Variants in EML6 observed in about 807,000 individuals in gnomAD.
EML6 encodes the protein EMAP like 6.
Under a neutral mutation model 240.1 loss-of-function variants are expected in EML6, and 154 were observed. That is an observed-to-expected ratio of 0.64 (90% confidence interval 0.56 to 0.73). EML6 has a LOEUF of 0.73. Among genes scored for constraint, EML6 ranks in the 30% least tolerant of loss-of-function variants. The pLI is 0.00. For synonymous variants in EML6, 1,148 were observed against 899.0 expected, an observed-to-expected ratio of 1.28 and a Z score of -4.95; for missense variants, 2,964 against 2,474.6, an observed-to-expected ratio of 1.20 and a Z score of -4.20.
Position 54,892,530 on chromosome 2 carries a change from A to G in EML6, c.2616A>G (p.Gly872=), listed in dbSNP as rs1378773476. 3.2e-6 allele frequency: 5 copies of G among 1,551,458 alleles called. No homozygotes were observed. The highest frequency in any genetic ancestry group is 4.4e-6 in the Non-Finnish European group (5 of 1,146,780). The part of the protein sequence containing the change: ...KLETMMCVSY[G]RMEDLVFSGA... ...AAACAATGATGTGTGTTTCTTACGG[A>G]CGAATGGAAGATCTAGTGTTCTCAG... Residue 872 remains glycine, a synonymous_variant, in exon 19 of 42, where the codon GGA becomes GGG. Transcript: ENST00000356458.
intron 2 of EML6, among the ~76,000 whole-genome samples, chr2:54,777,109 C>G (rs552394051): frequency 1.3e-5 from 2 of 152,306 alleles, no homozygotes; most frequent in Non-Finnish European, 2.9e-5. Context: ...CCCTGTGAGG[C>G]CTGGAGTCCC....
At chr2:54,751,157 A>G (rs926661939) in intron 2 of EML6, among the ~76,000 whole-genome samples, 9 of 152,202 alleles carry the variant, frequency 5.9e-5, no homozygotes, top group Non-Finnish European at 1.2e-4. Context: ...TAGGTTGAGA[A>G]TCAGATCCAT....
intron 19 of EML6, 22 bp from the exon 20 acceptor site, chr2:54,894,893 C>G: frequency 1.3e-6 from 2 of 1,505,640 alleles, no homozygotes; most frequent in Non-Finnish European, 1.8e-6. Context: ...GTATATAATA[C>G]CTCTCATGTG....
intron 2 of EML6, among the ~76,000 whole-genome samples, chr2:54,772,000 C>T (rs1030693950): frequency 6.6e-6 from 1 of 152,186 alleles, no homozygotes. Flanking sequence ...GATATTTTCT[C>T]CAGTGAAATG....
At chr2:54,846,610 A>C (rs1342940047) in intron 8 of EML6, among the ~76,000 whole-genome samples, 3 of 151,838 alleles carry the variant, frequency 2.0e-5, no homozygotes, top group Admixed American at 6.6e-5. Flanking sequence ...CAGCCTCCCA[A>C]GTAGCTGGGA....
At chr2:54,792,691 G>GA (rs1261418173) in intron 2 of EML6, among the ~76,000 whole-genome samples, 1 of 152,110 alleles carries the variant, frequency 6.6e-6, no homozygotes, top group Non-Finnish European at 1.5e-5. Flanking sequence ...TTAAAAATGT[G>GA]AAAAAATACT....
intron 7 of EML6, among the ~76,000 whole-genome samples, chr2:54,835,670 A>G (rs115233047): frequency 4.5e-4 from 69 of 152,304 alleles, no homozygotes; most frequent in African/African-American, 1.4e-3. Context: ...TCCTCTGAGT[A>G]CTGCGATGGT....
chr2:54,896,023 G>A (rs4671989), intron 21 of EML6, among the ~76,000 whole-genome samples: 21,779 of 152,152 alleles, frequency 0.14, 1,992 homozygotes, highest in South Asian at 0.27. Context: ...CACACTCAAA[G>A]GGAGGTGATT....
At chr2:54,965,655 C>CAA (rs1676716261) in intron 38 of EML6, among the ~76,000 whole-genome samples, 1 of 152,034 alleles carries the variant, frequency 6.6e-6, no homozygotes, top group Non-Finnish European at 1.5e-5. Context: ...AAGCTGTCTT[C>CAA]CTGCACTAAG....
chr2:54,772,852 C>T (rs1668455169), intron 2 of EML6, among the ~76,000 whole-genome samples: 1 of 152,220 alleles, frequency 6.6e-6, no homozygotes, highest in African/African-American at 2.4e-5. Context: ...AGGGTGATGA[C>T]ATTGTCAGAG....
chr2:54,863,708 A>C, intron 12 of EML6, 75 bp from the exon 13 acceptor site: 1 of 747,196 alleles, frequency 1.3e-6, no homozygotes, highest in Non-Finnish European at 2.3e-6. Flanking sequence ...GATAAAAGGA[A>C]AAATATTTTA....
In EML6 at chr2:54,970,301, G is replaced by A. The variant is rs1676934327; in HGVS notation, c.*206G>A. 2 of 602,950 alleles carry A rather than the reference G, an allele frequency of 3.3e-6. No homozygotes were observed. Among genetic ancestry groups the A allele is most frequent in the Non-Finnish European group, 5.9e-6 (2 of 338,052 alleles). The allele number at this position is 602,950 out of a possible 1,614,324, so 37.3% of individuals were successfully genotyped here. A position where few individuals can be genotyped will look rare whatever the true frequency, so the allele number is the denominator to read the frequency against. ...CCGTGATGCCACGAAGGAAGGTCAA[G>A]TTTTAAAATGTTAAAGACTGCTTGC... On this transcript the variant is annotated 3_prime_UTR_variant, in exon 42 of 42. Transcript: ENST00000356458.
intron 32 of EML6, 97 bp from the exon 33 acceptor site, chr2:54,957,693 C>T (rs1226312415): frequency 2.8e-6 from 3 of 1,058,510 alleles, no homozygotes; most frequent in Non-Finnish European, 4.2e-6. Context: ...TGAGGCATGG[C>T]TTACGCCTGC....
chr2:54,949,024 C>T (rs1675830509), intron 29 of EML6, 64 bp downstream of exon 29: 2 of 1,181,816 alleles, frequency 1.7e-6, no homozygotes, highest in Non-Finnish European at 2.5e-6. Flanking sequence ...TAGACATCCC[C>T]ATCTGCACGT....
chr2:54,916,699 T>C (rs957536430), intron 25 of EML6, 60 bp from the exon 26 acceptor site: 10 of 1,355,866 alleles, frequency 7.4e-6, no homozygotes, highest in South Asian at 5.0e-5. Context: ...GCAAACTGTT[T>C]CTTTTAAATA....
At chr2:54,857,055 C>G (rs1403320008) in intron 11 of EML6, among the ~76,000 whole-genome samples, 3 of 152,238 alleles carry the variant, frequency 2.0e-5, no homozygotes, top group South Asian at 2.1e-4. Context: ...AAGTTTGGGA[C>G]TTGAGCAGTG....
At position 54,954,051 on chromosome 2, in the gene EML6, C is replaced by T. The variant is rs915222646; in HGVS notation, c.4381C>T (p.His1461Tyr). ...KHTLSMLRCF[H>Y]SKGVNYINFS... The stretch of plus-strand genomic sequence containing the variant: ...CACCCTCTCCATGCTGCGGTGCTTC[C>T]ACTCCAAGGGGGTGAATTACATCAA... The change falls in exon 32 of 42, where the codon CAC becomes TAC. Residue 1461 changes from histidine (H) to tyrosine (Y), a missense_variant. His to Tyr is a moderately conservative substitution (Grantham distance 83). Coordinates refer to ENST00000356458, the MANE Select transcript of EML6 (RefSeq NM_001039753.4). The T allele has an allele frequency of 5.2e-6, 8 of 1,552,020 alleles. No individual in the cohort carries two copies. Among genetic ancestry groups the T allele is most frequent in the Non-Finnish European group, 7.0e-6 (8 of 1,147,034 alleles).
chr2:54,896,113 C>G (rs572366256), intron 21 of EML6, among the ~76,000 whole-genome samples: 4 of 152,310 alleles, frequency 2.6e-5, no homozygotes, highest in African/African-American at 9.6e-5. Flanking sequence ...ATTCATGTCC[C>G]TACCACATAC....
chr2:54,935,352 C>G (rs1387954849), intron 28 of EML6, among the ~76,000 whole-genome samples: 2 of 152,162 alleles, frequency 1.3e-5, no homozygotes, highest in South Asian at 2.1e-4. Flanking sequence ...ATTGTTCTTT[C>G]TAATGGAAAG....
Sources: allele counts gnomAD v4.1 joint callset (sites outside exome capture counted in the v4.1 genomes callset), GRCh38; gene constraint gnomAD v4.1.1; transcripts MANE v1.5; gene names NCBI Gene and HGNC (gene_info 2026-07-23, HGNC 2026-07-21).